The following STK32A variants were observed in gnomAD, a reference collection of about 807,000 sequenced individuals.
The protein encoded by STK32A is serine/threonine-protein kinase 32A.
A neutral mutation model predicts 53.2 loss-of-function variants in STK32A; 41 were observed. The ratio of observed to expected loss-of-function variants is 0.77; its 90% CI spans 0.60 to 1.00. The LOEUF (loss-of-function observed/expected upper bound fraction) is 1.00, where lower values mean the gene tolerates loss of function less well. Ranked by LOEUF, STK32A falls within the 50% of genes least tolerant of loss-of-function variation. The pLI is 0.00. For synonymous variants in STK32A, 166 were observed against 162.8 expected (o/e 1.02, Z -0.15); for missense variants, 458 against 485.8 (o/e 0.94, Z 0.54).
Position 147,384,193 on chromosome 5 carries a change from A to G in STK32A, c.*210A>G, listed in dbSNP as rs1011696005. 9.9e-6 allele frequency: 14 copies of G among 1,417,916 alleles called. No individual in the cohort carries two copies. The African/African-American group carries it at 2.1e-4, about 21-fold the overall frequency. 87.8% of individuals were successfully genotyped at this position (1,417,916 alleles called of 1,614,324 possible). A position where few individuals can be genotyped will look rare whatever the true frequency, so the allele number is the denominator to read the frequency against. ...TTCACATCAATCAACTGTGTGATCT[A>G]GAGCAAGTCACTTAGCCACTTTCTG... is the stretch of plus-strand genomic sequence containing the variant. On this transcript the variant is annotated 3_prime_UTR_variant, in exon 13 of 13. Transcript: ENST00000397936.
intron 2 of STK32A, among the ~76,000 whole-genome samples, chr5:147,265,110 TC>T (rs66776808): frequency 0.28 from 41,254 of 147,900 alleles, 6,013 homozygotes; most frequent in Admixed American, 0.35. Flanking sequence ...TATATATATA[TC>T]TTACAATTAT....
intron 5 of STK32A, among the ~76,000 whole-genome samples, chr5:147,335,806 C>CGCGCGTGCATGCGT (rs1298639992): frequency 4.0e-5 from 6 of 151,850 alleles, no homozygotes; most frequent in Non-Finnish European, 8.8e-5. Flanking sequence ...TGTGTGTGTG[C>CGCGCGTGCATGCGT]GCGCGTGCAT....
intron 2 of STK32A, among the ~76,000 whole-genome samples, chr5:147,256,127 T>C (rs1040708393): frequency 2.6e-5 from 4 of 152,166 alleles, no homozygotes; most frequent in African/African-American, 9.7e-5. Context: ...CGGGGATGAA[T>C]AAGGGCTGAC....
intron 4 of STK32A, among the ~76,000 whole-genome samples, chr5:147,312,812 T>A (rs1249442600): frequency 3.9e-5 from 6 of 152,150 alleles, no homozygotes; most frequent in Non-Finnish European, 8.8e-5. Context: ...GGAGATAAAT[T>A]TGGCAATATC....
At chr5:147,372,961 C>T (rs1581150140) in intron 9 of STK32A, among the ~76,000 whole-genome samples, 1 of 152,094 alleles carries the variant, frequency 6.6e-6, no homozygotes, top group South Asian at 2.1e-4. Flanking sequence ...CTTAGTAGGA[C>T]AAGCCATTTT....
chr5:147,347,631 T>G (rs995140120), intron 6 of STK32A, among the ~76,000 whole-genome samples: 3 of 152,178 alleles, frequency 2.0e-5, no homozygotes, highest in Non-Finnish European at 4.4e-5. Flanking sequence ...GTGCTGAGGT[T>G]GAGAAACTCT....
At chr5:147,309,251 G>T (rs1352970880) in intron 4 of STK32A, among the ~76,000 whole-genome samples, 4 of 152,062 alleles carry the variant, frequency 2.6e-5, no homozygotes, top group Non-Finnish European at 4.4e-5. Flanking sequence ...GAGCTGCTGG[G>T]CTTCTCAGAG....
chr5:147,300,890 G>A lies in STK32A; in HGVS notation c.260+21492G>A, dbSNP rs186319968. Among the ~76,000 whole-genome samples, 61 of 152,290 alleles carry A rather than the reference G, an allele frequency of 4.0e-4. 1 individual carries two copies. The highest frequency in any genetic ancestry group is 1.3e-3 in the African/African-American group (54 of 41,574). The stretch of plus-strand genomic sequence containing the variant: ...GTACTTCAAGCACCTCACAAAGTAC[G>A]TGGTTGATAAATGGTGACTTTACAC... On this transcript the variant is annotated intron_variant, in intron 4 of 12. Transcript: ENST00000397936.
intron 8 of STK32A, among the ~76,000 whole-genome samples, chr5:147,362,180 T>C (rs1387682220): frequency 6.6e-6 from 1 of 152,248 alleles, no homozygotes; most frequent in Non-Finnish European, 1.5e-5. Flanking sequence ...TTTATACAAT[T>C]TGTGCAAACT....
chr5:147,260,212 C>CT (rs1363637444), intron 2 of STK32A, among the ~76,000 whole-genome samples: 1 of 50,282 alleles, frequency 2.0e-5, no homozygotes, highest in Admixed American at 2.4e-4. Flanking sequence ...CTCTCTCTCT[C>CT]CTCTCTCTCT....
chr5:147,318,297 C>A (rs1192106144), intron 4 of STK32A, among the ~76,000 whole-genome samples: 1 of 152,054 alleles, frequency 6.6e-6, no homozygotes, highest in African/African-American at 2.4e-5. Flanking sequence ...ATAGATCTGT[C>A]TCATTTTTTA....
chr5:147,293,911 A>ATTTTACT (rs150311788), intron 4 of STK32A, among the ~76,000 whole-genome samples: 50,271 of 151,526 alleles, frequency 0.33, 8,644 homozygotes, highest in South Asian at 0.59. Context: ...AGAATGCCAA[A>ATTTTACT]TTTATATTAG....
intron 2 of STK32A, among the ~76,000 whole-genome samples, chr5:147,253,496 G>A (rs2151943327): frequency 6.6e-6 from 1 of 152,226 alleles, no homozygotes; most frequent in African/African-American, 2.4e-5. Flanking sequence ...CTCTTTTTCT[G>A]TACGCACTAC....
chr5:147,358,456 T>G (rs1334139734), intron 7 of STK32A, among the ~76,000 whole-genome samples: 1 of 152,152 alleles, frequency 6.6e-6, no homozygotes, highest in Non-Finnish European at 1.5e-5. Context: ...AGATATGCAC[T>G]TATAGGAATC....
rs1309935681 is a variant in STK32A, at chr5:147,373,298, A to G, written c.903+4A>G. ...CATTCCAGGTTTCATTCCTAATGTG[A>G]GTCAATCCTAACAAAGCCAAATAAC... On this transcript the variant is annotated splice_donor_region_variant and intron_variant, in intron 10 of 12. Transcript: ENST00000397936. 2 of 1,612,992 alleles carry G rather than the reference A, an allele frequency of 1.2e-6. No homozygotes were observed. The highest frequency in any genetic ancestry group is 1.7e-6 in the Non-Finnish European group (2 of 1,179,350).
intron 4 of STK32A, among the ~76,000 whole-genome samples, chr5:147,309,239 G>A (rs1047457472): frequency 7.9e-5 from 12 of 152,130 alleles, no homozygotes; most frequent in African/African-American, 2.7e-4. Flanking sequence ...CTGTATGTGT[G>A]TGAGCTGCTG....
intron 7 of STK32A, 115 bp downstream of exon 7, chr5:147,351,269 C>T: frequency 1.2e-6 from 1 of 833,920 alleles, no homozygotes. Context: ...CTGACTTTAC[C>T]TGTGGAGCTT....
chr5:147,345,655 G>A (rs775636884), intron 6 of STK32A, among the ~76,000 whole-genome samples: 2 of 151,808 alleles, frequency 1.3e-5, no homozygotes, highest in Non-Finnish European at 2.9e-5. Context: ...ACATTCTGCT[G>A]TCTTTCATGT....
chr5:147,345,758 CAGAG>C (rs1338456037), intron 6 of STK32A, among the ~76,000 whole-genome samples: 4 of 152,166 alleles, frequency 2.6e-5, no homozygotes, highest in African/African-American at 9.6e-5. Context: ...TCCAGTGTGC[CAGAG>C]AGAGAGTCTC....
Sources: gnomAD v4.1 joint callset for allele counts (sites outside exome capture counted in the v4.1 genomes callset) on GRCh38, gnomAD v4.1.1 for gene constraint, MANE v1.5 for transcripts, NCBI Gene and HGNC (gene_info 2026-07-23, HGNC 2026-07-21) for gene names.